The following TMEM120B variants were observed in gnomAD, a reference collection of about 807,000 sequenced individuals.
TMEM120B encodes transmembrane protein 120B.
Under a neutral mutation model 55.5 loss-of-function variants are expected in TMEM120B, and 31 were observed. That is an observed-to-expected ratio of 0.56 (90% confidence interval 0.42 to 0.75). TMEM120B has a LOEUF of 0.75. TMEM120B is among the 30% of genes least tolerant of loss of function. The pLI is 0.00. For synonymous variants in TMEM120B, 203 were observed against 176.3 expected, an observed-to-expected ratio of 1.15 and a Z score of -1.20; for missense variants, 399 against 425.5, an observed-to-expected ratio of 0.94 and a Z score of 0.55.
chr12:121,772,105 C>G (rs60218779), intron 8 of TMEM120B, among the ~76,000 whole-genome samples: 1 of 144,264 alleles, frequency 6.9e-6, no homozygotes, highest in Non-Finnish European at 1.5e-5. Context: ...CTCTCTTTCT[C>G]TCTTTCTCTC....
chr12:121,715,591 G>C (rs951020030), intron 1 of TMEM120B, among the ~76,000 whole-genome samples: 2 of 152,136 alleles, frequency 1.3e-5, no homozygotes, highest in Non-Finnish European at 2.9e-5. Flanking sequence ...CTCCTGCTCG[G>C]TTCATGATGG....
chr12:121,759,122 G>T (rs1231129659), intron 5 of TMEM120B: 119 of 662,654 alleles, frequency 1.8e-4, no homozygotes, highest in Middle Eastern at 7.9e-4. Flanking sequence ...AGTGTCTACT[G>T]TTTTTTTTTT....
chr12:121,719,555 C>T (rs1419545063), intron 1 of TMEM120B, among the ~76,000 whole-genome samples: 2 of 152,154 alleles, frequency 1.3e-5, no homozygotes, highest in Non-Finnish European at 2.9e-5. Context: ...CACTGCACCC[C>T]AGCCTGGGTG....
rs561527736 is a variant in TMEM120B, at chr12:121,781,396, A to T, written c.*5674A>T. On this transcript the variant is annotated 3_prime_UTR_variant, in exon 12 of 12. Transcript: ENST00000449592. ...TGAGGCCGGAGGATCGCTTGAGCCC[A>T]GGAGGTCAAGGCTACAGTGAGCCGT... The T allele has an allele frequency of 8.6e-5, 47 of 549,320 alleles. No homozygotes were observed. The highest frequency in any genetic ancestry group is 1.4e-4 in the Non-Finnish European group (44 of 305,042). 34.0% of individuals were successfully genotyped at this position (549,320 alleles called of 1,614,324 possible).
At chr12:121,763,808 C>T (rs1873760447) in intron 6 of TMEM120B, among the ~76,000 whole-genome samples, 2 of 152,300 alleles carry the variant, frequency 1.3e-5, no homozygotes, top group South Asian at 4.1e-4. Context: ...TTCCTCCTTC[C>T]TCCTGGGAAC....
chr12:121,746,949 C>G (rs1036069741), intron 2 of TMEM120B, among the ~76,000 whole-genome samples: 1 of 150,022 alleles, frequency 6.7e-6, no homozygotes, highest in Non-Finnish European at 1.5e-5. Context: ...CAGAGCAAGA[C>G]TCTGTCTCAA....
chr12:121,714,416 C>T (rs1218507238), intron 1 of TMEM120B, among the ~76,000 whole-genome samples: 3 of 151,696 alleles, frequency 2.0e-5, no homozygotes, highest in Non-Finnish European at 2.9e-5. Flanking sequence ...CCACCGTGCC[C>T]GGCTAATTTT....
Position 121,746,723 on chromosome 12 carries a change from G to A in TMEM120B, c.189-1603G>A, listed in dbSNP as rs187431309. Among the ~76,000 whole-genome samples, 24 of 152,262 alleles carry A rather than the reference G, an allele frequency of 1.6e-4. 1 individual carries two copies. Among genetic ancestry groups the A allele is most frequent in the African/African-American group, 5.1e-4 (21 of 41,568 alleles). Reference sequence around the variant, plus strand: ...TAATCCCAACACTTTGGGAGGCCGAGGCAGGCAGATCATGAGGTCAGGAGA... The same window carrying A: ...TAATCCCAACACTTTGGGAGGCCGAAGCAGGCAGATCATGAGGTCAGGAGA... On this transcript the variant is annotated intron_variant, in intron 2 of 11. Transcript: ENST00000449592.
chr12:121,769,883 C>T (rs1480344193), intron 6 of TMEM120B, among the ~76,000 whole-genome samples: 4 of 152,084 alleles, frequency 2.6e-5, no homozygotes, highest in Admixed American at 2.0e-4. Context: ...GGAAGAAAGG[C>T]ACGTAATTGC....
intron 6 of TMEM120B, among the ~76,000 whole-genome samples, chr12:121,765,094 C>G (rs1873803864): frequency 6.6e-6 from 1 of 151,840 alleles, no homozygotes; most frequent in African/African-American, 2.4e-5. Flanking sequence ...CCTGGGAGCA[C>G]CCACAGAGGT....
chr12:121,751,746 C>T lies in TMEM120B; in HGVS notation c.366-382C>T, dbSNP rs565893483. Among the ~76,000 whole-genome samples, 292 of 151,774 alleles carry T rather than the reference C, an allele frequency of 1.9e-3. 1 individual carries two copies. In the Middle Eastern group the frequency reaches 0.02, roughly 11 times the overall value. On this transcript the variant is annotated intron_variant, in intron 4 of 11. Transcript: ENST00000449592. The stretch of plus-strand genomic sequence containing the variant: ...AGAAATGGCCCTGCTCTGTTTCACG[C>T]CCTATCACACACATAGGGAGATGGG...
intron 7 of TMEM120B, 146 bp downstream of exon 7, chr12:121,771,118 G>C: frequency 1.1e-6 from 1 of 891,894 alleles, no homozygotes; most frequent in South Asian, 1.5e-5. Context: ...CAGCTGCGCC[G>C]GGCTGCGCGG....
intron 6 of TMEM120B, among the ~76,000 whole-genome samples, chr12:121,769,461 T>G (rs953623904): frequency 1.3e-5 from 2 of 152,084 alleles, no homozygotes; most frequent in Non-Finnish European, 2.9e-5. Flanking sequence ...ATCCTAGCAC[T>G]TTGGAAGGCC....
chr12:121,736,981 T>G (rs934351942), intron 1 of TMEM120B, among the ~76,000 whole-genome samples: 1 of 152,184 alleles, frequency 6.6e-6, no homozygotes, highest in Non-Finnish European at 1.5e-5. Context: ...TGCCTCAGGA[T>G]AGCTGGACTT....
intron 1 of TMEM120B, among the ~76,000 whole-genome samples, chr12:121,721,804 CTTTT>C (rs56702857): frequency 5.4e-5 from 5 of 91,878 alleles, no homozygotes; most frequent in South Asian, 3.9e-4. Flanking sequence ...ATCAGTTCTA[CTTTT>C]TTTTTTTTTT....
At chr12:121,772,534 A>C (rs1464079720) in intron 8 of TMEM120B, among the ~76,000 whole-genome samples, 2 of 151,010 alleles carry the variant, frequency 1.3e-5, no homozygotes, top group Non-Finnish European at 2.9e-5. Flanking sequence ...CTCCCGGTTC[A>C]AGCGATTCTC....
intron 5 of TMEM120B, among the ~76,000 whole-genome samples, chr12:121,757,815 C>T (rs962638583): frequency 2.6e-5 from 4 of 152,140 alleles, no homozygotes; most frequent in Admixed American, 1.3e-4. Context: ...CACGCCCAGC[C>T]GATTTTTTTG....
chr12:121,750,402 G>A lies in TMEM120B; in HGVS notation c.328G>A (p.Gly110Ser), dbSNP rs780604681. 13 of 1,612,368 alleles carry A rather than the reference G, an allele frequency of 8.1e-6. No homozygotes were observed. Among genetic ancestry groups the A allele is most frequent in the Admixed American group, 1.7e-5 (1 of 59,868 alleles). The change falls in exon 4 of 12, where the codon GGC (glycine) becomes AGC (serine). Residue 110 changes from glycine to serine, a missense_variant. By Grantham distance (56) the Gly-to-Ser change is moderately conservative (BLOSUM62 0). This residue lies in a region of TMEM120B where 260 missense variants were observed against 303.9 expected (regional missense o/e 0.86). Transcript: ENST00000449592. ...CAGGCTCTACTTGAACCTGGTCCTC[G>A]GCAATGTGAACGTGACCCTCCTCAG... ...KNGLYLNLVL[G>S]NVNVTLLSNQ...
chr12:121,758,009 C>A, intron 5 of TMEM120B: 1 of 244,104 alleles, frequency 4.1e-6, no homozygotes, highest in Non-Finnish European at 6.6e-6. Flanking sequence ...TTCCCACCTA[C>A]TTAGGAGTCT....
Sources: allele counts gnomAD v4.1 joint callset (sites outside exome capture counted in the v4.1 genomes callset), GRCh38; gene constraint gnomAD v4.1.1; regional missense constraint gnomAD v4.1.1; transcripts MANE v1.5; gene names NCBI Gene and HGNC (gene_info 2026-07-23, HGNC 2026-07-21).